PRKG1: variants seen among roughly 807,000 people sequenced by gnomAD.
PRKG1 encodes cGMP-dependent protein kinase 1.
A neutral mutation model predicts 88.1 loss-of-function variants in PRKG1; 35 were observed. The observed-to-expected ratio is 0.40, with a 90% CI of 0.30 to 0.53. The LOEUF (loss-of-function observed/expected upper bound fraction) is 0.53, where lower values mean the gene tolerates loss of function less well. Among genes scored for constraint, PRKG1 ranks in the 20% least tolerant of loss-of-function variants. The pLI is 0.59. For missense variants in PRKG1, 540 were observed against 839.8 expected, an observed-to-expected ratio of 0.64 and a Z score of 4.41; for synonymous variants, 303 against 292.5, an observed-to-expected ratio of 1.04 and a Z score of -0.37.
intron 4 of PRKG1, among the ~76,000 whole-genome samples, chr10:51,900,647 G>T (rs903052617): frequency 6.6e-6 from 1 of 152,114 alleles, no homozygotes; most frequent in Admixed American, 6.6e-5. Flanking sequence ...GTTTTCTGAA[G>T]TTTTAATTTT....
At chr10:51,804,803 A>T (rs1839263312) in intron 4 of PRKG1, 113 bp downstream of exon 4, 1 of 695,068 alleles carries the variant, frequency 1.4e-6, no homozygotes, top group African/African-American at 1.8e-5. Context: ...CAGTCATAAT[A>T]GTCTACAAAT....
chr10:51,765,687 A>G (rs778268311), intron 3 of PRKG1, among the ~76,000 whole-genome samples: 2 of 152,044 alleles, frequency 1.3e-5, no homozygotes, highest in African/African-American at 2.4e-5. Flanking sequence ...CTTCCTGTCT[A>G]CCTATTTTCA....
intron 10 of PRKG1, among the ~76,000 whole-genome samples, chr10:52,255,453 G>T (rs1273551225): frequency 6.6e-6 from 1 of 152,050 alleles, no homozygotes; most frequent in Non-Finnish European, 1.5e-5. Flanking sequence ...TGTTTATTTA[G>T]CAATCCACAT....
chr10:51,403,831 A>G (rs1837827737), intron 2 of PRKG1, among the ~76,000 whole-genome samples: 1 of 152,164 alleles, frequency 6.6e-6, no homozygotes, highest in South Asian at 2.1e-4. Flanking sequence ...TATGTGCTTT[A>G]TCTCATATAT....
At chr10:51,570,049 GTATATATA>G (rs10617123) in intron 3 of PRKG1, among the ~76,000 whole-genome samples, 1 of 128,798 alleles carries the variant, frequency 7.8e-6, no homozygotes, top group African/African-American at 3.5e-5. Context: ...ACCCAAACTA[GTATATATA>G]TATATATATA....
intron 2 of PRKG1, among the ~76,000 whole-genome samples, chr10:51,229,005 CACT>C (rs750963546): frequency 9.9e-5 from 15 of 152,138 alleles, no homozygotes; most frequent in Non-Finnish European, 1.9e-4. Context: ...TACCTTTTTC[CACT>C]ACTCACTCCC....
chr10:51,267,341 C>T (rs1289072940), intron 2 of PRKG1, among the ~76,000 whole-genome samples: 1 of 151,932 alleles, frequency 6.6e-6, no homozygotes, highest in Non-Finnish European at 1.5e-5. Context: ...TTTCTTATGC[C>T]AATTATTATT....
intron 7 of PRKG1, among the ~76,000 whole-genome samples, chr10:52,102,442 C>T (rs577416823): frequency 5.9e-5 from 9 of 152,012 alleles, no homozygotes; most frequent in Non-Finnish European, 1.3e-4. Context: ...AGTGAAAATG[C>T]CGTCATCCTT....
Position 52,021,940 on chromosome 10 carries a change from T to C in PRKG1, c.763-32544T>C, listed in dbSNP as rs572851534. On this transcript the variant is annotated intron_variant, in intron 5 of 17. Transcript: ENST00000373980. ...ATGTTGTTTCTTATATTATCTTCCT[T>C]ATTTATAGTTAAAACTGCACTAAAC... Among the ~76,000 whole-genome samples, 7 of 152,346 alleles carry C rather than the reference T, an allele frequency of 4.6e-5. No homozygotes were observed. In the East Asian group the frequency reaches 9.6e-4, roughly 21 times the overall value.
At chr10:52,084,377 A>T (rs1397117869) in intron 7 of PRKG1, among the ~76,000 whole-genome samples, 1 of 151,994 alleles carries the variant, frequency 6.6e-6, no homozygotes, top group Non-Finnish European at 1.5e-5. Flanking sequence ...TTCTACTAAG[A>T]CTCAAATTTG....
At chr10:51,918,246 C>A (rs1008216697) in intron 5 of PRKG1, among the ~76,000 whole-genome samples, 1 of 151,992 alleles carries the variant, frequency 6.6e-6, no homozygotes, top group East Asian at 1.9e-4. Context: ...TGAAAGTTTG[C>A]GGAATTAATA....
intron 1 of PRKG1, among the ~76,000 whole-genome samples, chr10:51,002,019 G>A (rs73332872): frequency 0.03 from 3,898 of 130,116 alleles, 66 homozygotes; most frequent in East Asian, 0.049. Flanking sequence ...TTTTCTTCTC[G>A]ATGTTTGTCT....
chr10:51,622,439 C>T (rs1025939144), intron 3 of PRKG1, among the ~76,000 whole-genome samples: 1 of 152,182 alleles, frequency 6.6e-6, no homozygotes, highest in African/African-American at 2.4e-5. Context: ...AGACTTCTCT[C>T]AATTTGAAAG....
chr10:51,034,619 T>C (rs766749441), intron 1 of PRKG1, among the ~76,000 whole-genome samples: 12 of 140,908 alleles, frequency 8.5e-5, no homozygotes, highest in Non-Finnish European at 1.7e-4. Flanking sequence ...AATTCACAAC[T>C]TTTTTGCCCT....
chr10:51,351,773 T>G (rs1272300397), intron 2 of PRKG1, among the ~76,000 whole-genome samples: 1 of 152,194 alleles, frequency 6.6e-6, no homozygotes, highest in Non-Finnish European at 1.5e-5. Context: ...AATTTTGGCT[T>G]TTGCTGCCAT....
At chr10:51,393,777 T>A (rs1177859970) in intron 2 of PRKG1, among the ~76,000 whole-genome samples, 1 of 152,224 alleles carries the variant, frequency 6.6e-6, no homozygotes, top group Non-Finnish European at 1.5e-5. Flanking sequence ...ATTAGTCATA[T>A]GACTTTTGTC....
At chr10:52,072,719 C>A (rs921998057) in intron 7 of PRKG1, among the ~76,000 whole-genome samples, 1 of 152,110 alleles carries the variant, frequency 6.6e-6, no homozygotes, top group Non-Finnish European at 1.5e-5. Flanking sequence ...GTTTGTTCTA[C>A]CTCTTAAATA....
upstream of PRKG1, among the ~76,000 whole-genome samples, chr10:51,070,921 T>C (rs117306426): frequency 4.5e-4 from 69 of 152,320 alleles, no homozygotes; most frequent in East Asian, 0.012. Flanking sequence ...TCCTTCAAAA[T>C]TGCATTGTTC....
chr10:51,322,657 G>T (rs989053357), intron 2 of PRKG1, among the ~76,000 whole-genome samples: 1 of 152,166 alleles, frequency 6.6e-6, no homozygotes. Flanking sequence ...TGATTTAATA[G>T]AATATAGTAT....
Sources: gnomAD v4.1 joint callset for allele counts (sites outside exome capture counted in the v4.1 genomes callset) on GRCh38, gnomAD v4.1.1 for gene constraint, MANE v1.5 for transcripts, NCBI Gene and HGNC (gene_info 2026-07-23, HGNC 2026-07-21) for gene names.